Variants in FAM210A observed in about 807,000 individuals in gnomAD.
The protein encoded by FAM210A is mitochondrial inner membrane scaffold 1, also known as family with sequence similarity 210 member A.
FAM210A carries 13 observed loss-of-function variants against 25.3 expected under a neutral mutation model. The observed-to-expected ratio is 0.51, with a 90% CI of 0.33 to 0.82. The LOEUF (loss-of-function observed/expected upper bound fraction) is 0.82. FAM210A is among the 40% of genes least tolerant of loss of function. The probability of loss-of-function intolerance (pLI) is 0.02; values close to 1 mark genes in which losing one functional copy is unlikely to be tolerated. For synonymous variants in FAM210A, 125 were observed against 118.7 expected (o/e 1.05, Z -0.35); for missense variants, 319 against 323.2 (o/e 0.99, Z 0.10).
At chr18:13,708,155 A>T (rs2043794100) in intron 1 of FAM210A, among the ~76,000 whole-genome samples, 1 of 152,240 alleles carries the variant, frequency 6.6e-6, no homozygotes, top group South Asian at 2.1e-4. Flanking sequence ...TGGGCAATAG[A>T]ACCTGGTAGT....
At chr18:13,706,449 T>G (rs928487164) in intron 1 of FAM210A, among the ~76,000 whole-genome samples, 2 of 152,164 alleles carry the variant, frequency 1.3e-5, no homozygotes, top group Non-Finnish European at 2.9e-5. Flanking sequence ...TATACCTTCA[T>G]AGATAAAACA....
intron 1 of FAM210A, among the ~76,000 whole-genome samples, chr18:13,687,548 GA>G (rs1171761209): frequency 1.1e-4 from 17 of 152,082 alleles, no homozygotes; most frequent in African/African-American, 4.1e-4. Flanking sequence ...CACTCCACAA[GA>G]AAAGGGAAAA....
chr18:13,707,274 C>T (rs2043786054), intron 1 of FAM210A, among the ~76,000 whole-genome samples: 1 of 152,184 alleles, frequency 6.6e-6, no homozygotes, highest in South Asian at 2.1e-4. Context: ...TTATAGGAGG[C>T]CATTGTTTTG....
chr18:13,716,357 G>A (rs1166298092), intron 1 of FAM210A, among the ~76,000 whole-genome samples: 2 of 152,140 alleles, frequency 1.3e-5, no homozygotes, highest in Non-Finnish European at 2.9e-5. Flanking sequence ...GATGGATCCC[G>A]ATCAAAAGGA....
chr18:13,720,050 C>G (rs2043886869), intron 1 of FAM210A, among the ~76,000 whole-genome samples: 1 of 152,166 alleles, frequency 6.6e-6, no homozygotes, highest in Admixed American at 6.6e-5. Flanking sequence ...AGTCATTTTT[C>G]TAGTCAGGTT....
chr18:13,710,210 G>T (rs1246564464), intron 1 of FAM210A: 1 of 151,988 alleles, frequency 6.6e-6, no homozygotes, highest in African/African-American at 2.4e-5. Context: ...TTGAAACAAG[G>T]TCTCACTCTG....
intron 1 of FAM210A, among the ~76,000 whole-genome samples, chr18:13,709,613 ATCT>A (rs2043806549): frequency 6.6e-6 from 1 of 152,108 alleles, no homozygotes; most frequent in African/African-American, 2.4e-5. Context: ...TACACCACTT[ATCT>A]TCTAACTTCT....
chr18:13,701,854 A>G lies in FAM210A; in HGVS notation c.-28-19749T>C, dbSNP rs186749724. Among the ~76,000 whole-genome samples, 5 of 152,322 alleles carry G rather than the reference A, an allele frequency of 3.3e-5. No homozygotes were observed. In the East Asian group the frequency reaches 9.6e-4, roughly 29 times the overall value. Reference sequence around the variant, plus strand: ...GCTGACTTTGGATAAGTTATGGGGTACATTTTACTTGAGTAAAGGATGGAA... The same window carrying G: ...GCTGACTTTGGATAAGTTATGGGGTGCATTTTACTTGAGTAAAGGATGGAA... On this transcript the variant is annotated intron_variant, in intron 1 of 3. Transcript: ENST00000651643.
intron 1 of FAM210A, among the ~76,000 whole-genome samples, chr18:13,694,798 T>C (rs530717414): frequency 1.3e-5 from 2 of 152,178 alleles, no homozygotes; most frequent in Non-Finnish European, 2.9e-5. Context: ...ATTCAGGACA[T>C]AGGCATGGGC....
intron 2 of FAM210A, among the ~76,000 whole-genome samples, chr18:13,680,972 A>G (rs1331521246): frequency 1.3e-5 from 2 of 152,236 alleles, no homozygotes; most frequent in African/African-American, 4.8e-5. Flanking sequence ...TCAGAACAAA[A>G]GACCTTTCCT....
chr18:13,671,961 G>A lies in FAM210A; in HGVS notation c.486C>T (p.Val162=), dbSNP rs1751785723. Residue 162 remains valine (V), a synonymous_variant, in exon 3 of 4, where the codon GTC becomes GTT. Transcript: ENST00000651643. ...FYYAALKGVN[V]VPFLELIGLP... ...ACCCAATGAGTTCTAGAAAAGGAAC[G>A]ACATTCACTCCTCTACAAAAAAAAA... 5.6e-6 allele frequency: 9 copies of A among 1,603,892 alleles called. No homozygotes were observed. The highest frequency in any genetic ancestry group is 5.4e-5 in the African/African-American group (4 of 73,816).
At chr18:13,699,074 T>G (rs1349968473) in intron 1 of FAM210A, among the ~76,000 whole-genome samples, 1 of 152,224 alleles carries the variant, frequency 6.6e-6, no homozygotes, top group Admixed American at 6.5e-5. Flanking sequence ...CCCAAAGTGC[T>G]GGGATTACAG....
chr18:13,670,530 G>A (rs1260179755), intron 3 of FAM210A, among the ~76,000 whole-genome samples: 2 of 152,088 alleles, frequency 1.3e-5, no homozygotes, highest in Non-Finnish European at 2.9e-5. Flanking sequence ...TACAACAGAA[G>A]TAAAATAAAA....
intron 1 of FAM210A, among the ~76,000 whole-genome samples, chr18:13,691,377 C>T (rs182204003): frequency 1.6e-3 from 241 of 152,228 alleles, no homozygotes; most frequent in African/African-American, 5.4e-3. Context: ...CAAGGCAAGC[C>T]AACATTCAAA....
chr18:13,711,066 G>C (rs538370200), intron 1 of FAM210A, among the ~76,000 whole-genome samples: 4 of 152,054 alleles, frequency 2.6e-5, no homozygotes, highest in African/African-American at 9.7e-5. Flanking sequence ...TGTTACCAGC[G>C]AAGTGTCTTA....
chr18:13,677,483 A>G (rs2043515309), intron 2 of FAM210A, among the ~76,000 whole-genome samples: 1 of 152,236 alleles, frequency 6.6e-6, no homozygotes, highest in Non-Finnish European at 1.5e-5. Flanking sequence ...CAGTAATCAG[A>G]ACAGAACAGA....
chr18:13,671,922 C>G lies in FAM210A; in HGVS notation c.525G>C (p.Val175=), dbSNP rs759472241. 6 of 1,613,090 alleles carry G rather than the reference C, an allele frequency of 3.7e-6. No homozygotes were observed. The highest frequency in any genetic ancestry group is 5.1e-6 in the Non-Finnish European group (6 of 1,179,676). Residue 175 remains valine, a synonymous_variant, in exon 3 of 4, where the codon GTG becomes GTC. Transcript: ENST00000651643. The part of the protein sequence containing the change: ...FLELIGLPDS[V]VSILKNSQSG... Reference sequence around the variant, plus strand: ...TCTGGGAGTTTTTCAGGATGCTTACCACACTGTCAGGTAACCCAATGAGTT... The same window carrying G: ...TCTGGGAGTTTTTCAGGATGCTTACGACACTGTCAGGTAACCCAATGAGTT...
chr18:13,711,127 T>G (rs2043818115), intron 1 of FAM210A, among the ~76,000 whole-genome samples: 1 of 152,192 alleles, frequency 6.6e-6, no homozygotes, highest in Admixed American at 6.5e-5. Context: ...ATCTCAACAC[T>G]TTGGGAGGCC....
At chr18:13,720,276 G>A (rs1001434389) in intron 1 of FAM210A, among the ~76,000 whole-genome samples, 8 of 152,170 alleles carry the variant, frequency 5.3e-5, no homozygotes, top group Non-Finnish European at 2.9e-5. Context: ...AAGATCTGCT[G>A]GGTCATATGG....
Sources: gnomAD v4.1 joint callset for allele counts (sites outside exome capture counted in the v4.1 genomes callset) on GRCh38, gnomAD v4.1.1 for gene constraint, MANE v1.5 for transcripts, NCBI Gene and HGNC (gene_info 2026-07-23, HGNC 2026-07-21) for gene names.